AGBL4: variants seen among roughly 807,000 people sequenced by gnomAD.
AGBL4 encodes the protein AGBL carboxypeptidase 4, also known as cytosolic carboxypeptidase 6.
AGBL4 carries 58 observed loss-of-function variants against 66.4 expected under a neutral mutation model. That is an observed-to-expected ratio of 0.87 (90% confidence interval 0.71 to 1.09). The LOEUF (loss-of-function observed/expected upper bound fraction) is 1.09, where lower values mean the gene tolerates loss of function less well. Among genes scored for constraint, AGBL4 ranks in the 50% least tolerant of loss-of-function variants. The pLI is 0.00. For missense variants in AGBL4, 579 were observed against 631.0 expected, an observed-to-expected ratio of 0.92 and a Z score of 0.88; for synonymous variants, 234 against 222.9, an observed-to-expected ratio of 1.05 and a Z score of -0.44.
chr1:49,974,167 A>G (rs1658369536), intron 1 of AGBL4, among the ~76,000 whole-genome samples: 2 of 152,138 alleles, frequency 1.3e-5, no homozygotes, highest in Non-Finnish European at 2.9e-5. Context: ...ATTGCTTTCA[A>G]CTTAGTGCCC....
intron 3 of AGBL4, among the ~76,000 whole-genome samples, chr1:49,510,403 G>A (rs1486236086): frequency 2.6e-4 from 38 of 148,576 alleles, no homozygotes; most frequent in Middle Eastern, 3.4e-3. Flanking sequence ...GTCTGTTCAT[G>A]TCCTTTGCCC....
At chr1:49,921,819 C>T (rs910945633) in intron 1 of AGBL4, among the ~76,000 whole-genome samples, 9 of 152,160 alleles carry the variant, frequency 5.9e-5, no homozygotes, top group African/African-American at 9.7e-5. Context: ...TTTGCTCTGG[C>T]GGCGCTGGCA....
rs1334134040 is a variant in AGBL4 at position 49,971,897 on chromosome 1, G to GT, written c.34+51865dup. On this transcript the variant is annotated intron_variant, in intron 1 of 13. Coordinates refer to ENST00000371839, the MANE Select transcript of AGBL4 (RefSeq NM_032785.4). ...TTATATATTTAAGTACAAGTGCAGG[G>GT]TTTTTTTGGGTTTTTTTTTTTTTTT... 1.3e-3 allele frequency among the ~76,000 whole-genome samples: 36 copies of GT among 27,178 alleles called. 3 individuals are homozygous for GT. In the South Asian group the frequency reaches 0.041, roughly 31 times the overall value. 17.8% of individuals were successfully genotyped at this position (27,178 alleles called of 152,430 possible). A position where few individuals can be genotyped will look rare whatever the true frequency, so the allele number is the denominator to read the frequency against.
intron 2 of AGBL4, among the ~76,000 whole-genome samples, chr1:49,829,345 A>AG (rs1030594552): frequency 6.6e-6 from 1 of 152,176 alleles, no homozygotes; most frequent in African/African-American, 2.4e-5. Context: ...AGTCCGAGAC[A>AG]GGGGGAGAAT....
At chr1:49,014,551 G>A (rs1178487574) in intron 5 of AGBL4, among the ~76,000 whole-genome samples, 1 of 152,122 alleles carries the variant, frequency 6.6e-6, no homozygotes, top group African/African-American at 2.4e-5. Flanking sequence ...TTCTAAACCT[G>A]CCCTCTGTAT....
At chr1:49,913,536 C>T (rs1251250434) in intron 1 of AGBL4, among the ~76,000 whole-genome samples, 2 of 152,246 alleles carry the variant, frequency 1.3e-5, no homozygotes, top group African/African-American at 4.8e-5. Context: ...ATTAGAGCCT[C>T]ATGCCTGCAG....
intron 4 of AGBL4, among the ~76,000 whole-genome samples, chr1:49,177,704 CTA>C (rs1474888126): frequency 6.6e-6 from 1 of 152,078 alleles, no homozygotes; most frequent in East Asian, 1.9e-4. Flanking sequence ...TAAGACCAAT[CTA>C]TTGATTTCAT....
intron 1 of AGBL4, among the ~76,000 whole-genome samples, chr1:49,880,703 C>T (rs372316385): frequency 7.2e-5 from 11 of 152,274 alleles, no homozygotes; most frequent in African/African-American, 9.6e-5. Context: ...TTGAGCTTCC[C>T]GGCTGCTTTG....
At chr1:48,628,501 A>T (rs1313061857) in intron 9 of AGBL4, among the ~76,000 whole-genome samples, 1 of 152,098 alleles carries the variant, frequency 6.6e-6, no homozygotes, top group Admixed American at 6.6e-5. Context: ...AGTGGGCCTG[A>T]GACCTTGATT....
chr1:49,826,278 G>C (rs1471428783), intron 2 of AGBL4, among the ~76,000 whole-genome samples: 1 of 152,142 alleles, frequency 6.6e-6, no homozygotes, highest in African/African-American at 2.4e-5. Context: ...GTACATATGG[G>C]TATGAGCATT....
At chr1:48,600,623 A>C (rs1179142009) in intron 9 of AGBL4, among the ~76,000 whole-genome samples, 1 of 152,218 alleles carries the variant, frequency 6.6e-6, no homozygotes, top group Admixed American at 6.5e-5. Context: ...TAAGGAAACC[A>C]AGGCAAAGAG....
At chr1:48,704,914 T>C (rs1018051306) in intron 6 of AGBL4, among the ~76,000 whole-genome samples, 3 of 152,236 alleles carry the variant, frequency 2.0e-5, no homozygotes, top group African/African-American at 7.2e-5. Flanking sequence ...TGCGCATGAT[T>C]GTATGTGCTG....
chr1:48,729,043 G>T (rs1018279822), intron 6 of AGBL4, among the ~76,000 whole-genome samples: 1 of 152,116 alleles, frequency 6.6e-6, no homozygotes, highest in Non-Finnish European at 1.5e-5. Context: ...CTAGCCTGGG[G>T]ACCTGGTGCA....
At chr1:48,604,356 G>A (rs1645123632) in intron 9 of AGBL4, among the ~76,000 whole-genome samples, 1 of 152,028 alleles carries the variant, frequency 6.6e-6, no homozygotes, top group Non-Finnish European at 1.5e-5. Context: ...TGCCTCCTTG[G>A]TACGTGTTCC....
chr1:48,963,487 T>G (rs1334228140), intron 5 of AGBL4, among the ~76,000 whole-genome samples: 1 of 151,926 alleles, frequency 6.6e-6, no homozygotes, highest in Non-Finnish European at 1.5e-5. Context: ...CAACTTAAAA[T>G]GTGTAGAATT....
chr1:49,065,731 T>C lies in AGBL4; in HGVS notation c.378-19931A>G, dbSNP rs557165796. On this transcript the variant is annotated intron_variant, in intron 4 of 13. Transcript: ENST00000371839. ...TCTAGAAAATTATCGAAGCTCCACA[T>C]AGTGAACTTTTGAGAAGTGTCCGCT... Among the ~76,000 whole-genome samples the C allele has an allele frequency of 2.6e-5, 4 of 152,346 alleles. No individual in the cohort carries two copies. In the East Asian group the frequency reaches 7.7e-4, roughly 29 times the overall value.
intron 1 of AGBL4, among the ~76,000 whole-genome samples, chr1:49,891,934 T>C (rs1648696274): frequency 6.6e-6 from 1 of 152,126 alleles, no homozygotes; most frequent in South Asian, 2.1e-4. Flanking sequence ...AGCTACATCA[T>C]CCATTCCAAA....
chr1:48,754,935 T>C (rs954130797), intron 6 of AGBL4, among the ~76,000 whole-genome samples: 7 of 152,198 alleles, frequency 4.6e-5, no homozygotes, highest in Non-Finnish European at 1.0e-4. Context: ...TGACACTTTT[T>C]GGGCTTGTTT....
chr1:48,596,712 TG>T (rs1477708968), intron 9 of AGBL4, among the ~76,000 whole-genome samples: 1 of 152,182 alleles, frequency 6.6e-6, no homozygotes, highest in Non-Finnish European at 1.5e-5. Context: ...CCCAAAGTGC[TG>T]GGTTTATAGG....
Sources: allele counts gnomAD v4.1 joint callset (sites outside exome capture counted in the v4.1 genomes callset), GRCh38; gene constraint gnomAD v4.1.1; transcripts MANE v1.5; gene names NCBI Gene and HGNC (gene_info 2026-07-23, HGNC 2026-07-21).